ROBO2: variants seen among roughly 807,000 people sequenced by gnomAD.
ROBO2 encodes the protein roundabout guidance receptor 2.
In ROBO2, 53 loss-of-function variants were observed where a neutral mutation model predicts 160.8. The observed-to-expected ratio is 0.33, with a 90% CI of 0.26 to 0.41. The LOEUF (loss-of-function observed/expected upper bound fraction) is 0.41, where lower values mean the gene tolerates loss of function less well. Among genes scored for constraint, ROBO2 ranks in the 10% least tolerant of loss-of-function variants. ROBO2 has a pLI of 1.00. For missense variants in ROBO2, 1,577 were observed against 1,722.4 expected, an observed-to-expected ratio of 0.92 and a Z score of 1.49; for synonymous variants, 664 against 611.7, an observed-to-expected ratio of 1.09 and a Z score of -1.26.
At chr3:76,972,069 T>C (rs2059597011) in intron 2 of ROBO2, among the ~76,000 whole-genome samples, 2 of 152,238 alleles carry the variant, frequency 1.3e-5, no homozygotes, top group South Asian at 2.1e-4. Flanking sequence ...TATTTTTCTT[T>C]TTTCAGTCTT....
intron 2 of ROBO2, among the ~76,000 whole-genome samples, chr3:77,239,905 G>A (rs2088718495): frequency 6.6e-6 from 1 of 152,126 alleles, no homozygotes; most frequent in African/African-American, 2.4e-5. Context: ...GATACGGAGG[G>A]CTGATTGGTG....
Position 76,841,205 on chromosome 3 carries a change from T to C in ROBO2, c.110-256809T>C, listed in dbSNP as rs560521953. On this transcript the variant is annotated intron_variant, in intron 2 of 26. Coordinates refer to the ROBO2 transcript ENST00000487694. ...GAAAGAACCCAGATAGAAACAACTA[T>C]AGCCTTGTAGTAGCCCAGATATGTG... is the stretch of plus-strand genomic sequence containing the variant. Among the ~76,000 whole-genome samples the C allele has an allele frequency of 8.5e-5, 13 of 152,264 alleles. No individual in the cohort carries two copies. In the South Asian group the frequency reaches 2.5e-3, roughly 29 times the overall value.
chr3:76,287,875 T>A (rs1052906642), intron 2 of ROBO2, among the ~76,000 whole-genome samples: 10 of 142,188 alleles, frequency 7.0e-5, no homozygotes, highest in Non-Finnish European at 1.2e-4. Flanking sequence ...GCTACTATTT[T>A]TGTATTCATA....
At chr3:76,500,897 A>AT (rs898262993) in intron 2 of ROBO2, among the ~76,000 whole-genome samples, 26 of 152,140 alleles carry the variant, frequency 1.7e-4, no homozygotes, top group Non-Finnish European at 3.7e-4. Context: ...AAGAAATGCT[A>AT]TTTTTTAGGG....
intron 2 of ROBO2, among the ~76,000 whole-genome samples, chr3:77,337,342 T>C (rs2066594302): frequency 6.6e-6 from 1 of 152,118 alleles, no homozygotes; most frequent in South Asian, 2.1e-4. Context: ...TGGCATCTCT[T>C]CCTCAAGATT....
At chr3:77,150,051 A>G (rs777798798) in intron 2 of ROBO2, among the ~76,000 whole-genome samples, 53 of 152,176 alleles carry the variant, frequency 3.5e-4, no homozygotes, top group Admixed American at 7.9e-4. Flanking sequence ...CTGCAGATAC[A>G]TGATTATATA....
intron 19 of ROBO2, among the ~76,000 whole-genome samples, chr3:77,597,520 T>C (rs1286075464): frequency 6.6e-6 from 1 of 152,068 alleles, no homozygotes; most frequent in African/African-American, 2.4e-5. Flanking sequence ...GGGAACTCTC[T>C]GATCTCAGTG....
chr3:76,580,342 G>GTTTTTTTTTTT (rs71101901), intron 2 of ROBO2, among the ~76,000 whole-genome samples: 10 of 90,532 alleles, frequency 1.1e-4, no homozygotes, highest in Admixed American at 2.8e-4. Context: ...TTTTTTTTGT[G>GTTTTTTTTTTT]TTTTTTTTTT....
chr3:76,934,022 C>T (rs562327044), intron 2 of ROBO2, among the ~76,000 whole-genome samples: 1 of 151,690 alleles, frequency 6.6e-6, no homozygotes, highest in African/African-American at 2.4e-5. Flanking sequence ...ATAAAATTTG[C>T]TTTAAGGCAT....
intron 2 of ROBO2, among the ~76,000 whole-genome samples, chr3:77,107,924 T>C (rs62251786): frequency 0.17 from 26,258 of 152,126 alleles, 2,836 homozygotes; most frequent in Non-Finnish European, 0.24. Context: ...TATATAAATC[T>C]GCCTGCCTCA....
chr3:76,073,445 C>T (rs1377444526), intron 2 of ROBO2, among the ~76,000 whole-genome samples: 4 of 151,022 alleles, frequency 2.6e-5, no homozygotes, highest in African/African-American at 7.3e-5. Flanking sequence ...GGCGCCGCCC[C>T]CACGCCCGGC....
At chr3:76,831,005 TTAA>T (rs918509225) in intron 2 of ROBO2, among the ~76,000 whole-genome samples, 1 of 151,934 alleles carries the variant, frequency 6.6e-6, no homozygotes, top group East Asian at 1.9e-4. Flanking sequence ...AATAAATTAA[TTAA>T]TAATAATAAC....
At chr3:77,118,375 T>C (rs143623433) in intron 2 of ROBO2, among the ~76,000 whole-genome samples, 93 of 152,314 alleles carry the variant, frequency 6.1e-4, no homozygotes, top group African/African-American at 2.1e-3. Flanking sequence ...TGAGTTTGAT[T>C]TGGAAATTCA....
At chr3:77,237,382 TC>T (rs1196593708) in intron 2 of ROBO2, among the ~76,000 whole-genome samples, 1 of 149,868 alleles carries the variant, frequency 6.7e-6, no homozygotes, top group Non-Finnish European at 1.5e-5. Context: ...TCTTTTTTTT[TC>T]TTTTTCCTGT....
chr3:76,657,642 A>G (rs28876976), intron 2 of ROBO2, among the ~76,000 whole-genome samples: 16 of 138,350 alleles, frequency 1.2e-4, no homozygotes, highest in African/African-American at 3.3e-4. Flanking sequence ...ATTCATATAT[A>G]TGTGTATATA....
chr3:77,557,719 C>A (rs746711041), intron 8 of ROBO2, among the ~76,000 whole-genome samples: 1 of 151,614 alleles, frequency 6.6e-6, no homozygotes, highest in South Asian at 2.1e-4. Context: ...AAGTTATTGA[C>A]AATAAATAGT....
chr3:77,070,642 A>G (rs2067310444), intron 1 of ROBO2, among the ~76,000 whole-genome samples: 1 of 152,186 alleles, frequency 6.6e-6, no homozygotes, highest in African/African-American at 2.4e-5. Flanking sequence ...CAAAGGGGGC[A>G]GGAGTGATAT....
intron 2 of ROBO2, among the ~76,000 whole-genome samples, chr3:76,342,905 T>C: frequency 6.6e-6 from 1 of 152,116 alleles, no homozygotes; most frequent in East Asian, 1.9e-4. Flanking sequence ...GAATGGCCAA[T>C]TTTATGTAAC....
At chr3:76,412,606 A>C (rs1452700573) in intron 2 of ROBO2, among the ~76,000 whole-genome samples, 27 of 152,208 alleles carry the variant, frequency 1.8e-4, no homozygotes, top group Admixed American at 1.8e-3. Context: ...AGGACCATGC[A>C]AGTCCAAAAT....
Sources: gnomAD v4.1 joint callset for allele counts (sites outside exome capture counted in the v4.1 genomes callset) on GRCh38, gnomAD v4.1.1 for gene constraint, MANE v1.5 for transcripts, NCBI Gene and HGNC (gene_info 2026-07-23, HGNC 2026-07-21) for gene names.